Variants in GBE1 observed in about 807,000 individuals in gnomAD.
The protein encoded by GBE1 is 1,4-alpha-glucan-branching enzyme.
In GBE1, 70 loss-of-function variants were observed where a neutral mutation model predicts 88.8. The ratio of observed to expected loss-of-function variants is 0.79; its 90% confidence interval spans 0.65 to 0.96. GBE1 has a LOEUF of 0.96. Ranked by LOEUF, GBE1 falls within the 40% of genes least tolerant of loss-of-function variation. The probability of loss-of-function intolerance (pLI) is 0.00; values close to 1 mark genes in which losing one functional copy is unlikely to be tolerated. For missense variants in GBE1, 872 were observed against 871.0 expected (o/e 1.00, Z -0.01); for synonymous variants, 284 against 300.1 (o/e 0.95, Z 0.56).
chr3:81,572,312 A>C (rs1703586879), intron 12 of GBE1, among the ~76,000 whole-genome samples: 1 of 152,186 alleles, frequency 6.6e-6, no homozygotes, highest in Admixed American at 6.5e-5. Flanking sequence ...AAATGGACTA[A>C]TAAAAGAATG....
chr3:81,590,572 C>T (rs1703863714), intron 9 of GBE1, among the ~76,000 whole-genome samples: 1 of 151,954 alleles, frequency 6.6e-6, no homozygotes, highest in African/African-American at 2.4e-5. Context: ...GAACATTTGG[C>T]AATCTGAGAG....
At chr3:81,655,721 T>C (rs949156758) in intron 3 of GBE1, among the ~76,000 whole-genome samples, 1 of 151,998 alleles carries the variant, frequency 6.6e-6, no homozygotes. Context: ...GGTTTCACCA[T>C]GTCGGCCAGG....
At chr3:81,526,695 A>G (rs999013662) in intron 14 of GBE1, among the ~76,000 whole-genome samples, 1 of 152,044 alleles carries the variant, frequency 6.6e-6, no homozygotes, top group African/African-American at 2.4e-5. Context: ...GGAGAACTAC[A>G]ACCACTGCTC....
At chr3:81,636,095 A>G (rs959427871) in intron 7 of GBE1, among the ~76,000 whole-genome samples, 2 of 152,192 alleles carry the variant, frequency 1.3e-5, no homozygotes, top group African/African-American at 2.4e-5. Context: ...TAGACTGAGT[A>G]ATCTCATAAA....
chr3:81,758,839 A>G lies in GBE1; in HGVS notation c.143+2536T>C, dbSNP rs1277684153. On this transcript the variant is annotated intron_variant, in intron 1 of 15. Coordinates refer to ENST00000429644, the MANE Select transcript of GBE1 (RefSeq NM_000158.4). Reference sequence around the variant, plus strand: ...AGAAGGTGAAAAGAACAACTAATGAAGGTGATATGGTTTGGTTGTGTCCCC... The same window carrying G: ...AGAAGGTGAAAAGAACAACTAATGAGGGTGATATGGTTTGGTTGTGTCCCC... 2.0e-5 allele frequency among the ~76,000 whole-genome samples: 3 copies of G among 152,330 alleles called. No homozygotes were observed. In the South Asian group the frequency reaches 6.2e-4, roughly 32 times the overall value.
intron 7 of GBE1, among the ~76,000 whole-genome samples, chr3:81,607,935 G>A (rs1704125632): frequency 6.6e-6 from 1 of 152,102 alleles, no homozygotes; most frequent in African/African-American, 2.4e-5. Context: ...AGCATAAAAA[G>A]TATAGATAAA....
intron 2 of GBE1, among the ~76,000 whole-genome samples, chr3:81,688,936 A>T (rs151004275): frequency 0.014 from 2,191 of 152,172 alleles, 40 homozygotes; most frequent in Middle Eastern, 0.038. Flanking sequence ...TCACCATTTA[A>T]AAAAAGGAAT....
At chr3:81,632,289 T>C (rs1389272185) in intron 7 of GBE1, among the ~76,000 whole-genome samples, 2 of 152,118 alleles carry the variant, frequency 1.3e-5, no homozygotes, top group East Asian at 1.9e-4. Context: ...TGTGTCTTTA[T>C]AGTAGAATGA....
In GBE1 at chr3:81,761,383, G is replaced by A. The variant is rs777583603; in HGVS notation, c.135C>T (p.Phe45=). 6.2e-7 allele frequency: 1 copy of A among 1,608,088 alleles called. No individual in the cohort carries two copies. Among genetic ancestry groups the A allele is most frequent in the South Asian group, 1.1e-5 (1 of 90,990 alleles). The change falls in exon 1 of 16, where the codon TTC becomes TTT. Residue 45 remains phenylalanine (F), a synonymous_variant. Transcript: ENST00000429644. ...DPYLKPYAVD[F]QRRYKQFSQI... is the part of the protein sequence containing the mutation. ...TGGGATTCCGGCGGTACCTGCGCTG[G>A]AAGTCCACGGCGTAGGGCTTCAAGT...
chr3:81,687,418 T>G (rs895787814), intron 2 of GBE1, among the ~76,000 whole-genome samples: 1 of 152,142 alleles, frequency 6.6e-6, no homozygotes, highest in African/African-American at 2.4e-5. Context: ...GATAAATATA[T>G]AGAGATATTT....
At chr3:81,554,794 C>G (rs991884756) in intron 12 of GBE1, among the ~76,000 whole-genome samples, 1 of 152,170 alleles carries the variant, frequency 6.6e-6, no homozygotes, top group African/African-American at 2.4e-5. Context: ...GTTCAAGGCA[C>G]AGCCGGCTGC....
intron 14 of GBE1, among the ~76,000 whole-genome samples, chr3:81,502,356 AT>A (rs1402781921): frequency 6.6e-6 from 1 of 152,192 alleles, no homozygotes; most frequent in Non-Finnish European, 1.5e-5. Context: ...GGAAAAGCTT[AT>A]GAAAGCCATA....
At chr3:81,734,148 T>C (rs1706224256) in intron 1 of GBE1, among the ~76,000 whole-genome samples, 1 of 152,144 alleles carries the variant, frequency 6.6e-6, no homozygotes, top group African/African-American at 2.4e-5. Flanking sequence ...AACTACAGAG[T>C]TGTATTTGTA....
Position 81,734,289 on chromosome 3 carries a change from C to T in GBE1, c.143+27086G>A, listed in dbSNP as rs188872592. Among the ~76,000 whole-genome samples the T allele has an allele frequency of 1.6e-4, 24 of 152,136 alleles. 1 individual carries two copies. Among genetic ancestry groups the T allele is most frequent in the Middle Eastern group, 6.8e-3 (2 of 294 alleles). ...TTCAAAAATGAAGCTCAAGTCAAAA[C>T]GCTACAGAGAAATTTGTATTTTAGA... is the stretch of plus-strand genomic sequence containing the variant. On this transcript the variant is annotated intron_variant, in intron 1 of 15. Coordinates refer to ENST00000429644, the MANE Select transcript of GBE1 (RefSeq NM_000158.4).
chr3:81,587,371 T>A (rs1279834076), intron 9 of GBE1, among the ~76,000 whole-genome samples: 2 of 152,132 alleles, frequency 1.3e-5, no homozygotes, highest in East Asian at 3.9e-4. Context: ...ACAACCACAA[T>A]CTTATTTAAT....
At chr3:81,491,934 T>A (rs776419524) in intron 15 of GBE1, among the ~76,000 whole-genome samples, 1 of 152,242 alleles carries the variant, frequency 6.6e-6, no homozygotes, top group Non-Finnish European at 1.5e-5. Context: ...TTGATACAGC[T>A]GGTTAGTTTT....
rs118021121 is a variant in GBE1 at position 81,729,517 on chromosome 3, G to A, written c.144-23904C>T. On this transcript the variant is annotated intron_variant, in intron 1 of 15. Transcript: ENST00000429644. ...CAGTTCTACATTGACTTATGAGCTA[G>A]TAAGTGCAAGTTCTGGCAAACAGGG... Among the ~76,000 whole-genome samples the A allele has an allele frequency of 5.1e-4, 77 of 152,324 alleles. No individual in the cohort carries two copies. The East Asian group carries it at 0.014, about 28-fold the overall frequency.
chr3:81,750,649 A>G (rs1418125042), intron 1 of GBE1, among the ~76,000 whole-genome samples: 1,550 of 80,826 alleles, frequency 0.019, 244 homozygotes, highest in African/African-American at 0.083. Flanking sequence ...ATATATGTAT[A>G]TATATATATG....
intron 12 of GBE1, among the ~76,000 whole-genome samples, chr3:81,567,458 TTC>T (rs1703509107): frequency 6.6e-6 from 1 of 152,180 alleles, no homozygotes; most frequent in Non-Finnish European, 1.5e-5. Context: ...ATTTATCCAG[TTC>T]TCTGAGTTCA....
Sources: allele counts gnomAD v4.1 joint callset (sites outside exome capture counted in the v4.1 genomes callset), GRCh38; gene constraint gnomAD v4.1.1; transcripts MANE v1.5; gene names NCBI Gene and HGNC (gene_info 2026-07-23, HGNC 2026-07-21).